Variants in DGKI observed in about 807,000 individuals in gnomAD.
DGKI encodes the protein DAG kinase iota.
In DGKI, 55 loss-of-function variants were observed where a neutral mutation model predicts 147.5. That is an observed-to-expected ratio of 0.37 (90% CI 0.30 to 0.47). The LOEUF (loss-of-function observed/expected upper bound fraction) is 0.47. Ranked by LOEUF, DGKI falls within the 20% of genes least tolerant of loss-of-function variation. The probability of loss-of-function intolerance (pLI) is 1.00; values close to 1 mark genes in which losing one functional copy is unlikely to be tolerated. For missense variants in DGKI, 1,007 were observed against 1,323.8 expected (o/e 0.76, Z 3.71); for synonymous variants, 469 against 477.1 (o/e 0.98, Z 0.22).
intron 20 of DGKI, among the ~76,000 whole-genome samples, chr7:137,526,937 C>G (rs957688581): frequency 6.6e-6 from 1 of 152,098 alleles, no homozygotes; most frequent in Non-Finnish European, 1.5e-5. Flanking sequence ...ATGGGCTGAG[C>G]GTTTTGGTTC....
intron 1 of DGKI, among the ~76,000 whole-genome samples, chr7:137,816,698 G>A (rs1000776677): frequency 3.3e-5 from 5 of 152,112 alleles, no homozygotes; most frequent in African/African-American, 1.2e-4. Context: ...AAGGTATAAA[G>A]ACAAAAAACA....
intron 1 of DGKI, among the ~76,000 whole-genome samples, chr7:137,760,454 G>A (rs186614566): frequency 4.6e-5 from 7 of 151,952 alleles, no homozygotes; most frequent in Middle Eastern, 3.4e-3. Context: ...CCCCATCTTC[G>A]TCCCCTTCTT....
intron 1 of DGKI, among the ~76,000 whole-genome samples, chr7:137,815,346 G>C (rs991580143): frequency 6.6e-6 from 1 of 152,158 alleles, no homozygotes; most frequent in Non-Finnish European, 1.5e-5. Context: ...CTTCTGCACA[G>C]GCTTTGGTGC....
intron 1 of DGKI, among the ~76,000 whole-genome samples, chr7:137,697,011 A>C (rs968049386): frequency 5.3e-5 from 8 of 152,188 alleles, no homozygotes; most frequent in African/African-American, 1.9e-4. Flanking sequence ...GAAGATTGCC[A>C]GCAACCACCA....
chr7:137,840,246 C>T (rs780971979), intron 1 of DGKI, among the ~76,000 whole-genome samples: 8 of 152,140 alleles, frequency 5.3e-5, no homozygotes, highest in Non-Finnish European at 7.3e-5. Context: ...AGTCACTAAG[C>T]GGACTAATGC....
chr7:137,838,207 G>A (rs1446123972), intron 1 of DGKI, among the ~76,000 whole-genome samples: 1 of 151,892 alleles, frequency 6.6e-6, no homozygotes, highest in Non-Finnish European at 1.5e-5. Flanking sequence ...GTTTTACCAT[G>A]TTGGCCAGGA....
At chr7:137,519,438 A>G (rs1370609841) in intron 21 of DGKI, among the ~76,000 whole-genome samples, 1 of 152,088 alleles carries the variant, frequency 6.6e-6, no homozygotes, top group East Asian at 1.9e-4. Context: ...AACTAACTTC[A>G]AACGCAGTAC....
intron 1 of DGKI, among the ~76,000 whole-genome samples, chr7:137,818,695 G>C (rs1797809425): frequency 6.6e-6 from 1 of 152,132 alleles, no homozygotes; most frequent in Admixed American, 6.5e-5. Flanking sequence ...ACCTGCCTCA[G>C]CCTCCCAAAG....
At chr7:137,739,003 C>T (rs896322011) in intron 1 of DGKI, among the ~76,000 whole-genome samples, 5 of 152,092 alleles carry the variant, frequency 3.3e-5, no homozygotes, top group African/African-American at 1.2e-4. Flanking sequence ...AAGCTGACTC[C>T]CTCATTCAGT....
At chr7:137,611,346 C>T (rs1022867470) in intron 8 of DGKI, among the ~76,000 whole-genome samples, 4 of 152,144 alleles carry the variant, frequency 2.6e-5, no homozygotes, top group African/African-American at 7.2e-5. Flanking sequence ...GAAAAATGCT[C>T]GTGCCCGGGC....
intron 30 of DGKI, among the ~76,000 whole-genome samples, chr7:137,401,114 T>C (rs1188673768): frequency 6.6e-6 from 1 of 152,186 alleles, no homozygotes; most frequent in Non-Finnish European, 1.5e-5. Flanking sequence ...AACTGTACAA[T>C]GTGGAGTTTA....
At chr7:137,745,913 G>A (rs1795312587) in intron 1 of DGKI, among the ~76,000 whole-genome samples, 2 of 152,104 alleles carry the variant, frequency 1.3e-5, no homozygotes, top group Admixed American at 1.3e-4. Context: ...TATGGCCACA[G>A]TCTATGACAA....
At chr7:137,554,001 A>C (rs564262923) in intron 19 of DGKI, among the ~76,000 whole-genome samples, 2 of 152,326 alleles carry the variant, frequency 1.3e-5, no homozygotes, top group African/African-American at 4.8e-5. Flanking sequence ...AGTCATACAC[A>C]GTAGTCTAGA....
intron 1 of DGKI, among the ~76,000 whole-genome samples, chr7:137,788,014 A>G (rs1303713720): frequency 6.6e-6 from 1 of 152,142 alleles, no homozygotes; most frequent in East Asian, 1.9e-4. Flanking sequence ...ACCAAACACC[A>G]CCTGTTCCCT....
chr7:137,699,457 A>G (rs991575373), intron 1 of DGKI, among the ~76,000 whole-genome samples: 1 of 152,226 alleles, frequency 6.6e-6, no homozygotes, highest in African/African-American at 2.4e-5. Context: ...TTGTACCTTC[A>G]GGGAAGTCTA....
At chr7:137,835,302 C>T (rs777120876) in intron 1 of DGKI, among the ~76,000 whole-genome samples, 28 of 152,230 alleles carry the variant, frequency 1.8e-4, no homozygotes, top group Non-Finnish European at 2.5e-4. Flanking sequence ...CCCCTGTGAA[C>T]CGTGTGCGGC....
intron 1 of DGKI, among the ~76,000 whole-genome samples, chr7:137,758,997 G>T (rs533091702): frequency 1.3e-5 from 2 of 152,034 alleles, no homozygotes; most frequent in Non-Finnish European, 2.9e-5. Context: ...GGATACATGC[G>T]CATGCTTGTT....
At chr7:137,470,417 G>A (rs904854575) in intron 23 of DGKI, among the ~76,000 whole-genome samples, 1 of 152,014 alleles carries the variant, frequency 6.6e-6, no homozygotes, top group Non-Finnish European at 1.5e-5. Context: ...TTAGACTCTG[G>A]ACTATCTTTC....
At chr7:137,649,775 A>G (rs963445148) in intron 5 of DGKI, among the ~76,000 whole-genome samples, 6 of 146,074 alleles carry the variant, frequency 4.1e-5, no homozygotes, top group East Asian at 2.0e-4. Flanking sequence ...ATATATATGT[A>G]TATATATATA....
Sources: gnomAD v4.1 joint callset for allele counts (sites outside exome capture counted in the v4.1 genomes callset) on GRCh38, gnomAD v4.1.1 for gene constraint, MANE v1.5 for transcripts, NCBI Gene and HGNC (gene_info 2026-07-23, HGNC 2026-07-21) for gene names.